GRK5: variants seen among roughly 807,000 people sequenced by gnomAD.
The protein encoded by GRK5 is g protein-coupled receptor kinase GRK5.
A neutral mutation model predicts 78.4 loss-of-function variants in GRK5; 40 were observed. The observed-to-expected ratio is 0.51, with a 90% CI of 0.40 to 0.66. The LOEUF (loss-of-function observed/expected upper bound fraction) is 0.66. Among genes scored for constraint, GRK5 ranks in the 30% least tolerant of loss-of-function variants. GRK5 has a pLI of 0.00. For missense variants in GRK5, 598 were observed against 759.9 expected, an observed-to-expected ratio of 0.79 and a Z score of 2.50; for synonymous variants, 289 against 296.8, an observed-to-expected ratio of 0.97 and a Z score of 0.27.
At chr10:119,396,423 G>A (rs527867270) in intron 3 of GRK5, among the ~76,000 whole-genome samples, 35 of 152,358 alleles carry the variant, frequency 2.3e-4, no homozygotes, top group Non-Finnish European at 4.9e-4. Context: ...CCTAGCATCA[G>A]TGTTTGCTCA....
intron 1 of GRK5, among the ~76,000 whole-genome samples, chr10:119,228,915 C>G (rs1297860464): frequency 6.6e-6 from 1 of 152,034 alleles, no homozygotes. Flanking sequence ...ATGGGAGATT[C>G]TAGGATTATT....
rs1852928633 is a variant in GRK5, at chr10:119,436,806, C to G, written c.894C>G (p.Gly298=). The G allele has an allele frequency of 5.0e-6, 8 of 1,612,128 alleles. No individual in the cohort carries two copies. The highest frequency in any genetic ancestry group is 6.8e-6 in the Non-Finnish European group (8 of 1,178,788). ...TTTATGCGGCAGAGATCCTCTGCGG[C>G]TTAGAAGACCTCCACCGTGAGAACA... ...ALFYAAEILC[G]LEDLHRENTV... Residue 298 remains glycine, a synonymous_variant, in exon 9 of 16, where the codon GGC becomes GGG. Coordinates refer to ENST00000392870, the MANE Select transcript of GRK5 (RefSeq NM_005308.3).
intron 1 of GRK5, among the ~76,000 whole-genome samples, chr10:119,259,157 C>T (rs1040576048): frequency 1.8e-4 from 28 of 151,970 alleles, no homozygotes; most frequent in African/African-American, 6.5e-4. Context: ...CTCCGTCTCC[C>T]AGGTTCACGC....
At chr10:119,280,047 T>C (rs982064975) in intron 1 of GRK5, among the ~76,000 whole-genome samples, 3 of 152,046 alleles carry the variant, frequency 2.0e-5, no homozygotes, top group Admixed American at 6.6e-5. Flanking sequence ...GAGCCCTGAA[T>C]ACAAGAGAAC....
chr10:119,311,042 C>T (rs1850350328), intron 1 of GRK5, among the ~76,000 whole-genome samples: 1 of 152,192 alleles, frequency 6.6e-6, no homozygotes. Flanking sequence ...GCTGTGTGTA[C>T]CTTCCGCCTT....
At chr10:119,359,699 C>T (rs2133807653) in intron 2 of GRK5, among the ~76,000 whole-genome samples, 1 of 152,330 alleles carries the variant, frequency 6.6e-6, no homozygotes, top group Middle Eastern at 3.4e-3. Context: ...TTGCCTTCCT[C>T]ATCCGGTATC....
At chr10:119,449,158 C>G (rs1853221706) in intron 13 of GRK5, among the ~76,000 whole-genome samples, 1 of 150,968 alleles carries the variant, frequency 6.6e-6, no homozygotes, top group East Asian at 2.0e-4. Flanking sequence ...ATTCCGTGTC[C>G]AATGGCTTTG....
chr10:119,415,962 A>G (rs1852442114), intron 4 of GRK5, among the ~76,000 whole-genome samples: 2 of 152,112 alleles, frequency 1.3e-5, no homozygotes, highest in African/African-American at 2.4e-5. Context: ...TCACTCCTGA[A>G]TCTCTGAACG....
chr10:119,363,567 G>C (rs578220393), intron 2 of GRK5, among the ~76,000 whole-genome samples: 54 of 152,290 alleles, frequency 3.5e-4, no homozygotes, highest in Non-Finnish European at 6.2e-4. Flanking sequence ...GGGTCTACTA[G>C]GGCTGCTATG....
intron 4 of GRK5, among the ~76,000 whole-genome samples, chr10:119,421,281 T>C (rs1852565180): frequency 6.6e-6 from 1 of 152,232 alleles, no homozygotes; most frequent in African/African-American, 2.4e-5. Flanking sequence ...TGAAGTAGCC[T>C]GGAGGTACTG....
At chr10:119,390,989 C>T (rs1194769533) in intron 3 of GRK5, among the ~76,000 whole-genome samples, 2 of 151,236 alleles carry the variant, frequency 1.3e-5, no homozygotes, top group Non-Finnish European at 3.0e-5. Flanking sequence ...GAGATGCAGC[C>T]CCCCTTCCCT....
chr10:119,404,956 C>T (rs1002963370), intron 4 of GRK5, among the ~76,000 whole-genome samples: 37 of 152,214 alleles, frequency 2.4e-4, no homozygotes, highest in Admixed American at 6.5e-5. Context: ...GAAGCGCCTG[C>T]GTGACCTGCT....
intron 1 of GRK5, among the ~76,000 whole-genome samples, chr10:119,301,411 T>C (rs1850179223): frequency 1.3e-5 from 2 of 152,194 alleles, no homozygotes; most frequent in African/African-American, 2.4e-5. Context: ...GTTTGGTTCA[T>C]TCTCGCTGCT....
chr10:119,225,956 C>G (rs966033958), intron 1 of GRK5, among the ~76,000 whole-genome samples: 1 of 151,564 alleles, frequency 6.6e-6, no homozygotes, highest in Admixed American at 6.6e-5. Context: ...TCACGCCATT[C>G]TCCTGCTTCA....
In GRK5 at chr10:119,238,269, C is replaced by T. The variant is rs1016474224; in HGVS notation, c.52+30300C>T. On this transcript the variant is annotated intron_variant, in intron 1 of 15. Coordinates refer to ENST00000392870, the MANE Select transcript of GRK5 (RefSeq NM_005308.3). The surrounding 1 kb of genome is among the most constrained non-coding windows in gnomAD (Gnocchi z 4.7). The stretch of plus-strand genomic sequence containing the variant: ...ATCAGTTTCCTGGGTGGAGGGTGGA[C>T]GGGAAGCGGGGGGCCTTCTGCTGAA... 2.6e-5 allele frequency among the ~76,000 whole-genome samples: 4 copies of T among 151,996 alleles called. No homozygotes were observed. The highest frequency in any genetic ancestry group is 6.6e-5 in the Admixed American group (1 of 15,248).
chr10:119,218,548 T>C (rs532347425), intron 1 of GRK5, among the ~76,000 whole-genome samples: 1 of 152,188 alleles, frequency 6.6e-6, no homozygotes, highest in Non-Finnish European at 1.5e-5. Flanking sequence ...TGGGTCCTGC[T>C]TGGTCTTAAT....
In GRK5 at chr10:119,443,303, C is replaced by T. The variant is rs12256015; in HGVS notation, c.1058-241C>T. On this transcript the variant is annotated intron_variant, in intron 11 of 15. Transcript: ENST00000392870. Reference sequence around the variant, plus strand: ...TGAATAAAGTAGCTCATGTTCTAGGCGAGGGGACATCAAGAGTGCAGGACA... The same window carrying T: ...TGAATAAAGTAGCTCATGTTCTAGGTGAGGGGACATCAAGAGTGCAGGACA... Among the ~76,000 whole-genome samples, 1,403 of 152,190 alleles carry T rather than the reference C, an allele frequency of 9.2e-3. 13 individuals are homozygous for T. The highest frequency in any genetic ancestry group is 0.029 in the South Asian group (141 of 4,820).
chr10:119,439,873 C>T, intron 10 of GRK5, 105 bp downstream of exon 10: 1 of 990,694 alleles, frequency 1.0e-6, no homozygotes, highest in South Asian at 1.3e-5. Context: ...GACCACGGGC[C>T]CCACTCCCAC....
intron 2 of GRK5, among the ~76,000 whole-genome samples, chr10:119,367,762 C>T (rs1851473377): frequency 6.6e-6 from 1 of 152,250 alleles, no homozygotes; most frequent in Non-Finnish European, 1.5e-5. Flanking sequence ...CACGCCAGGG[C>T]TGGCTGAGCC....
Sources: allele counts gnomAD v4.1 joint callset (sites outside exome capture counted in the v4.1 genomes callset), GRCh38; gene constraint gnomAD v4.1.1; non-coding constraint Gnocchi (gnomAD v3.1); transcripts MANE v1.5; gene names NCBI Gene and HGNC (gene_info 2026-07-23, HGNC 2026-07-21).